Variants in PCDHA6 observed in about 807,000 individuals in gnomAD.
PCDHA6 encodes protocadherin alpha-6.
A neutral mutation model predicts 60.3 loss-of-function variants in PCDHA6; 55 were observed. The ratio of observed to expected loss-of-function variants is 0.91; its 90% CI spans 0.73 to 1.14. The LOEUF is 1.14. Among genes scored for constraint, PCDHA6 ranks in the 50% most tolerant of loss-of-function variants. PCDHA6 has a pLI of 0.00. For synonymous variants in PCDHA6, 652 were observed against 557.9 expected, an observed-to-expected ratio of 1.17 and a Z score of -2.38; for missense variants, 1,327 against 1,256.5, an observed-to-expected ratio of 1.06 and a Z score of -0.85.
At chr5:140,875,430 C>G in intron 1 of PCDHA6, 1 of 1,557,170 alleles carries the variant, frequency 6.4e-7, no homozygotes. Context: ...CAAGCGATCC[C>G]TTAAAACTGA....
intron 1 of PCDHA6, chr5:140,843,740 C>T (rs2150365873): frequency 1.9e-5 from 29 of 1,536,514 alleles, no homozygotes; most frequent in South Asian, 3.4e-5. Context: ...ATTTAGAACT[C>T]ATAAATTCTA....
chr5:140,837,476 A>G (rs1775072155), intron 1 of PCDHA6, among the ~76,000 whole-genome samples: 1 of 151,156 alleles, frequency 6.6e-6, no homozygotes, highest in African/African-American at 2.4e-5. Flanking sequence ...TCAAACCCCA[A>G]ACCATTTACT....
chr5:140,933,694 C>A lies in PCDHA6; in HGVS notation c.2395-45255C>A, dbSNP rs782754431. On this transcript the variant is annotated intron_variant, in intron 1 of 3. Coordinates refer to ENST00000529310, the MANE Select transcript of PCDHA6 (RefSeq NM_018909.4). ...CTCTCACATTTTTTTTCCTATTCCT[C>A]GGACACATTTACTGAGATTGGTGAT... 5.3e-5 allele frequency among the ~76,000 whole-genome samples: 8 copies of A among 151,858 alleles called. No homozygotes were observed. In the South Asian group the frequency reaches 1.7e-3, roughly 31 times the overall value.
intron 1 of PCDHA6, chr5:140,857,545 C>A (rs782516369): frequency 6.3e-7 from 1 of 1,596,810 alleles, no homozygotes; most frequent in African/African-American, 1.3e-5. Flanking sequence ...GGCGGTTGGG[C>A]GAGCGCTCGC....
At position 140,830,206 on chromosome 5, in the gene PCDHA6, C is replaced by G. The variant is rs2150182712; in HGVS notation, c.2115C>G (p.Cys705Trp). 2 of 1,613,782 alleles carry G rather than the reference C, an allele frequency of 1.2e-6. No homozygotes were observed. Among genetic ancestry groups the G allele is most frequent in the Middle Eastern group, 1.7e-4 (1 of 6,004 alleles). The part of the protein sequence containing the change: ...DVNVYLIIAI[C>W]AVSSLLVLTL... ...ACGTGTACCTGATCATCGCCATCTG[C>G]GCGGTATCCAGCCTGCTGGTCCTCA... Residue 705 changes from cysteine to tryptophan, a missense_variant, in exon 1 of 4, where the codon TGC (cysteine) becomes TGG (tryptophan). By Grantham distance (215) the Cys-to-Trp change is radical (BLOSUM62 -2). Coordinates refer to ENST00000529310, the MANE Select transcript of PCDHA6 (RefSeq NM_018909.4).
At chr5:140,834,412 G>T in intron 1 of PCDHA6, 1 of 1,611,044 alleles carries the variant, frequency 6.2e-7, no homozygotes, top group Non-Finnish European at 8.5e-7. Flanking sequence ...TACGACCCAG[G>T]GGGCCGACAT....
intron 1 of PCDHA6, chr5:140,967,549 T>C (rs781838911): frequency 6.2e-7 from 1 of 1,614,012 alleles, no homozygotes; most frequent in Non-Finnish European, 8.5e-7. Flanking sequence ...ACCAGTCCAC[T>C]TATCGCGTCC....
At chr5:140,851,069 A>T in intron 1 of PCDHA6, 1 of 1,353,390 alleles carries the variant, frequency 7.4e-7, no homozygotes, top group Non-Finnish European at 9.7e-7. Flanking sequence ...TCTAGTGAGA[A>T]TTATAAACTG....
At chr5:140,998,721 C>T (rs987484967) in intron 3 of PCDHA6, among the ~76,000 whole-genome samples, 3 of 152,084 alleles carry the variant, frequency 2.0e-5, no homozygotes, top group Non-Finnish European at 2.9e-5. Context: ...TGCACCACCA[C>T]GCTAGGCTAA....
Position 140,973,027 on chromosome 5 carries a change from T to C in PCDHA6, c.2395-5922T>C, listed in dbSNP as rs373487044. On this transcript the variant is annotated intron_variant, in intron 1 of 3. Coordinates refer to ENST00000529310, the MANE Select transcript of PCDHA6 (RefSeq NM_018909.4). ...TCGTGGTGTTGTGATTGTTAATGAG[T>C]CACTTTGAGTACTCTAGTAGATTTG... Among the ~76,000 whole-genome samples the C allele has an allele frequency of 2.6e-5, 4 of 152,042 alleles. No individual in the cohort carries two copies. The East Asian group carries it at 5.8e-4, about 22-fold the overall frequency.
At chr5:140,836,172 G>C (rs2150254671) in intron 1 of PCDHA6, 1 of 1,613,884 alleles carries the variant, frequency 6.2e-7, no homozygotes, top group East Asian at 2.2e-5. Flanking sequence ...GGTACGTGCA[G>C]TTGACGCTGA....
At chr5:140,841,713 C>G in intron 1 of PCDHA6, 2 of 1,613,888 alleles carry the variant, frequency 1.2e-6, no homozygotes, top group Non-Finnish European at 1.7e-6. Context: ...GACAACCCGC[C>G]AGTGTTCCGG....
chr5:140,975,964 T>C (rs1554237162), intron 1 of PCDHA6, among the ~76,000 whole-genome samples: 2 of 152,218 alleles, frequency 1.3e-5, no homozygotes, highest in South Asian at 2.1e-4. Flanking sequence ...TCTTCACCAA[T>C]AGAAAGTAAG....
chr5:140,963,288 G>A (rs908553196), intron 1 of PCDHA6, among the ~76,000 whole-genome samples: 2 of 152,126 alleles, frequency 1.3e-5, no homozygotes, highest in Non-Finnish European at 2.9e-5. Flanking sequence ...ATTTTATAAG[G>A]AGGAGAGAAA....
chr5:140,891,055 G>A (rs2062932146), intron 1 of PCDHA6, among the ~76,000 whole-genome samples: 1 of 152,142 alleles, frequency 6.6e-6, no homozygotes, highest in Admixed American at 6.5e-5. Context: ...ACAGCACATA[G>A]TAAATATTAT....
At chr5:140,892,439 T>G (rs2063514217) in intron 1 of PCDHA6, among the ~76,000 whole-genome samples, 1 of 152,206 alleles carries the variant, frequency 6.6e-6, no homozygotes, top group Non-Finnish European at 1.5e-5. Context: ...TTATCTAAAA[T>G]TTACATGTAT....
chr5:140,830,592 A>G (rs1771150807), intron 1 of PCDHA6, 107 bp downstream of exon 1: 1 of 705,520 alleles, frequency 1.4e-6, no homozygotes, highest in Non-Finnish European at 2.1e-6. Flanking sequence ...TTAATTTTAC[A>G]AAATTACATA....
chr5:140,848,527 G>A (rs1379026024), intron 1 of PCDHA6: 2 of 1,594,382 alleles, frequency 1.3e-6, no homozygotes, highest in Admixed American at 1.7e-5. Context: ...GATCCAGAGG[G>A]TCAGCCTCTA....
At position 141,010,550 on chromosome 5, in the gene PCDHA6, ACCCC is replaced by A; in HGVS notation, c.*615_*618del. 6.3e-6 allele frequency: 2 copies of A among 316,712 alleles called. No homozygotes were observed. Among genetic ancestry groups the A allele is most frequent in the South Asian group, 1.1e-4 (2 of 17,516 alleles). The allele number at this position is 316,712 out of a possible 1,614,324, so 19.6% of individuals were successfully genotyped here. A position where few individuals can be genotyped will look rare whatever the true frequency, so the allele number is the denominator to read the frequency against. On this transcript the variant is annotated 3_prime_UTR_variant, in exon 4 of 4. Coordinates refer to ENST00000529310, the MANE Select transcript of PCDHA6 (RefSeq NM_018909.4). ...CAGCCACCCTCTAGGAGACAAAACT[ACCCC>A]CACTGACAAGGCTTTAGGAGACCCT...
Sources: allele counts gnomAD v4.1 joint callset (sites outside exome capture counted in the v4.1 genomes callset), GRCh38; gene constraint gnomAD v4.1.1; transcripts MANE v1.5; gene names NCBI Gene and HGNC (gene_info 2026-07-23, HGNC 2026-07-21).